Variants in SRPK2 observed in about 807,000 individuals in gnomAD.
The protein encoded by SRPK2 is SRSF protein kinase 2.
In SRPK2, 21 loss-of-function variants were observed where a neutral mutation model predicts 90.8. The ratio of observed to expected loss-of-function variants is 0.23; its 90% CI spans 0.16 to 0.33. The LOEUF (loss-of-function observed/expected upper bound fraction) is 0.33. SRPK2 is among the 10% of genes least tolerant of loss of function. The pLI is 1.00. For missense variants in SRPK2, 620 were observed against 869.0 expected (o/e 0.71, Z 3.60); for synonymous variants, 288 against 311.1 (o/e 0.93, Z 0.78).
In SRPK2 at chr7:105,116,886, A is replaced by C. The variant is rs1436924209; in HGVS notation, c.*952T>G. 1 of 152,192 alleles carries C rather than the reference A, an allele frequency of 6.6e-6. No homozygotes were observed. The highest frequency in any genetic ancestry group is 1.5e-5 in the Non-Finnish European group (1 of 68,028). 9.4% of individuals were successfully genotyped at this position (152,192 alleles called of 1,614,324 possible). ...TATACCATACCTTGTGTTCTAGACA[A>C]GCATGATCATGCTTTTCCAAAAATA... is the stretch of plus-strand genomic sequence containing the variant. On this transcript the variant is annotated 3_prime_UTR_variant, in exon 16 of 16. Transcript: ENST00000393651.
chr7:105,381,656 T>C (rs2132667149), intron 2 of SRPK2, among the ~76,000 whole-genome samples: 1 of 152,300 alleles, frequency 6.6e-6, no homozygotes, highest in East Asian at 1.9e-4. Context: ...GGTATTTGCT[T>C]CGTGTCCATT....
intron 3 of SRPK2, among the ~76,000 whole-genome samples, chr7:105,198,348 T>C (rs1310115592): frequency 5.9e-5 from 9 of 151,884 alleles, no homozygotes; most frequent in Non-Finnish European, 4.4e-5. Flanking sequence ...CAGGTTTTTT[T>C]TGCTCAAACT....
At chr7:105,169,515 T>A (rs1373418008) in intron 3 of SRPK2, among the ~76,000 whole-genome samples, 1 of 152,130 alleles carries the variant, frequency 6.6e-6, no homozygotes, top group Non-Finnish European at 1.5e-5. Flanking sequence ...TCATTTCAGA[T>A]CAGGAGTACG....
intron 2 of SRPK2, among the ~76,000 whole-genome samples, chr7:105,372,445 A>G (rs1819812079): frequency 6.6e-6 from 1 of 152,172 alleles, no homozygotes; most frequent in Non-Finnish European, 1.5e-5. Flanking sequence ...GGAATGAGGA[A>G]ACTTAGAATT....
rs1294103120 is a variant in SRPK2, at chr7:105,170,941, AAG to A, written c.230-1678_230-1677del. On this transcript the variant is annotated intron_variant, in intron 3 of 15. Transcript: ENST00000393651. Reference sequence around the variant, plus strand: ...GAGAAAGAAAAAGAAAAAGGAAAGAAAGAAAGAAAGAAAGAAAGAAAGAAAGA... The same window carrying A: ...GAGAAAGAAAAAGAAAAAGGAAAGAAAAAGAAAGAAAGAAAGAAAGAAAGA... 1.4e-3 allele frequency among the ~76,000 whole-genome samples: 54 copies of A among 39,274 alleles called. 3 individuals carry two copies. The highest frequency in any genetic ancestry group is 3.9e-3 in the African/African-American group (49 of 12,466). 25.8% of individuals were successfully genotyped at this position (39,274 alleles called of 152,430 possible). A position where few individuals can be genotyped will look rare whatever the true frequency, so the allele number is the denominator to read the frequency against.
intron 2 of SRPK2, among the ~76,000 whole-genome samples, chr7:105,358,742 TC>T (rs1563282998): frequency 6.6e-6 from 1 of 152,064 alleles, no homozygotes; most frequent in Non-Finnish European, 1.5e-5. Flanking sequence ...TTACTATTTG[TC>T]TTAGTCTATT....
chr7:105,346,755 C>T (rs1426405283), intron 2 of SRPK2, among the ~76,000 whole-genome samples: 2 of 150,642 alleles, frequency 1.3e-5, no homozygotes, highest in East Asian at 4.0e-4. Flanking sequence ...AAGACTCCAT[C>T]TCAAAAAAAA....
intron 2 of SRPK2, among the ~76,000 whole-genome samples, chr7:105,376,581 C>G (rs1422207609): frequency 6.6e-6 from 1 of 150,448 alleles, no homozygotes; most frequent in Non-Finnish European, 1.5e-5. Flanking sequence ...ACTCTGTTGC[C>G]CAGGCTTGAA....
intron 2 of SRPK2, among the ~76,000 whole-genome samples, chr7:105,231,130 T>C (rs987102421): frequency 2.0e-5 from 3 of 152,208 alleles, no homozygotes; most frequent in Non-Finnish European, 2.9e-5. Flanking sequence ...TTCTTTGTGC[T>C]GATTTGATGA....
At chr7:105,212,395 A>T (rs573499147) in intron 2 of SRPK2, among the ~76,000 whole-genome samples, 14 of 152,342 alleles carry the variant, frequency 9.2e-5, no homozygotes, top group African/African-American at 3.1e-4. Context: ...CAGAGATGGT[A>T]GTGGGCCAAG....
chr7:105,371,652 T>C (rs1178081575), intron 2 of SRPK2, among the ~76,000 whole-genome samples: 2 of 150,348 alleles, frequency 1.3e-5, no homozygotes, highest in African/African-American at 2.4e-5. Context: ...CCCAGCTACT[T>C]GGGGGCCTGA....
Position 105,395,326 on chromosome 7 carries a change from C to T in SRPK2, n.153+3830G>A, listed in dbSNP as rs931976033. ...GGAACATAGTGAGACCCCCCCACCT[C>T]TATCAACTAAAAAATAAATTTAAAA... On this transcript the variant is annotated intron_variant and non_coding_transcript_variant, in intron 1 of 3. Coordinates refer to the SRPK2 transcript ENST00000462282. Among the ~76,000 whole-genome samples the T allele has an allele frequency of 4.0e-5, 6 of 151,774 alleles. 1 individual carries two copies. Among genetic ancestry groups the T allele is most frequent in the African/African-American group, 1.5e-4 (6 of 41,364 alleles).
chr7:105,162,388 T>C (rs1246694351), intron 6 of SRPK2, among the ~76,000 whole-genome samples: 1 of 152,158 alleles, frequency 6.6e-6, no homozygotes, highest in Non-Finnish European at 1.5e-5. Flanking sequence ...TTCACAACTA[T>C]GATACCTCCA....
rs1221726284 is a variant in SRPK2, at chr7:105,388,559, G to A, written c.71+89C>T. On this transcript the variant is annotated intron_variant, in intron 2 of 15. Coordinates refer to ENST00000393651, the MANE Select transcript of SRPK2 (RefSeq NM_182692.3). ...GGGGGACCAGCCCGCCCGCCGGCCC[G>A]GGGACCCGGACAACTTTCCCCTGCG... is the stretch of plus-strand genomic sequence containing the variant. 164 of 1,216,478 alleles carry A rather than the reference G, an allele frequency of 1.3e-4. 1 individual carries two copies. The highest frequency in any genetic ancestry group is 3.4e-5 in the Non-Finnish European group (30 of 892,988). The allele number at this position is 1,216,478 out of a possible 1,614,324, so 75.4% of individuals were successfully genotyped here. A position where few individuals can be genotyped will look rare whatever the true frequency, so the allele number is the denominator to read the frequency against.
At chr7:105,343,415 T>C (rs893954080) in intron 2 of SRPK2, among the ~76,000 whole-genome samples, 7 of 152,056 alleles carry the variant, frequency 4.6e-5, no homozygotes, top group Admixed American at 6.6e-5. Context: ...GCCTGGGCAA[T>C]AGAGCGAGAC....
rs931873697 is a variant in SRPK2, at chr7:105,251,792, T to C, written c.72-48007A>G. On this transcript the variant is annotated intron_variant, in intron 2 of 15. Coordinates refer to ENST00000393651, the MANE Select transcript of SRPK2 (RefSeq NM_182692.3). ...GTGTGTCTGGTGATGGGTACAAGAA[T>C]TGAAATTTGAATCCAAATTTGGGGG... Among the ~76,000 whole-genome samples the C allele has an allele frequency of 2.6e-5, 4 of 152,334 alleles. No individual in the cohort carries two copies. The South Asian group carries it at 6.2e-4, about 24-fold the overall frequency.
chr7:105,206,068 G>T (rs1217133124), intron 2 of SRPK2: 1 of 512,344 alleles, frequency 2.0e-6, no homozygotes, highest in Non-Finnish European at 3.9e-6. Flanking sequence ...TCATTGCTGT[G>T]GGGCTGTCGT....
At chr7:105,173,846 G>A (rs1791465910) in intron 3 of SRPK2, among the ~76,000 whole-genome samples, 3 of 151,396 alleles carry the variant, frequency 2.0e-5, no homozygotes, top group Admixed American at 2.0e-4. Flanking sequence ...GAGTTTGGTT[G>A]ATAACACCTG....
intron 2 of SRPK2, among the ~76,000 whole-genome samples, chr7:105,343,949 G>T (rs922874690): frequency 1.3e-5 from 2 of 152,018 alleles, no homozygotes; most frequent in African/African-American, 2.4e-5. Flanking sequence ...TATTAATAGA[G>T]ACGGGGGTTT....
Sources: gnomAD v4.1 joint callset for allele counts (sites outside exome capture counted in the v4.1 genomes callset) on GRCh38, gnomAD v4.1.1 for gene constraint, MANE v1.5 for transcripts, NCBI Gene and HGNC (gene_info 2026-07-23, HGNC 2026-07-21) for gene names.